NOB1: variants seen among roughly 807,000 people sequenced by gnomAD.
NOB1 encodes NIN1 (RPN12) binding protein 1 homolog.
A neutral mutation model predicts 44.8 loss-of-function variants in NOB1; 44 were observed. The observed-to-expected ratio is 0.98, with a 90% CI of 0.77 to 1.26. The LOEUF (loss-of-function observed/expected upper bound fraction) is 1.26, where lower values mean the gene tolerates loss of function less well. Ranked by LOEUF, NOB1 falls within the 50% of genes most tolerant of loss-of-function variation. The pLI is 0.00. For synonymous variants in NOB1, 238 were observed against 218.7 expected, an observed-to-expected ratio of 1.09 and a Z score of -0.78; for missense variants, 560 against 544.8, an observed-to-expected ratio of 1.03 and a Z score of -0.28.
intron 2 of NOB1, among the ~76,000 whole-genome samples, chr16:69,754,331 C>A (rs181594507): frequency 1.3e-5 from 2 of 152,196 alleles, no homozygotes; most frequent in Non-Finnish European, 2.9e-5. Context: ...TCACAGCAAC[C>A]TTGGAGACAG....
Position 69,744,857 on chromosome 16 carries a change from G to A in NOB1, c.969+16C>T, listed in dbSNP as rs1440284090. 2.5e-6 allele frequency: 4 copies of A among 1,610,564 alleles called. No homozygotes were observed. Among genetic ancestry groups the A allele is most frequent in the Non-Finnish European group, 3.4e-6 (4 of 1,179,316 alleles). ...CACTCTGGTGTTGGGAGGGGACTGG[G>A]AGAGGCGCCACTCACCCGGAGGCCG... On this transcript the variant is annotated intron_variant, in intron 8 of 8. Coordinates refer to ENST00000268802, the MANE Select transcript of NOB1 (RefSeq NM_014062.3).
intron 8 of NOB1, 61 bp from the exon 9 acceptor site, chr16:69,742,662 G>C: frequency 6.4e-7 from 1 of 1,564,056 alleles, no homozygotes. Context: ...ACAAGGCCAT[G>C]GCTGGTAAGG....
chr16:69,742,578 C>T lies in NOB1; in HGVS notation c.993G>A (p.Gly331=). 2 of 1,614,104 alleles carry T rather than the reference C, an allele frequency of 1.2e-6. No homozygotes were observed. Among genetic ancestry groups the T allele is most frequent in the Non-Finnish European group, 1.7e-6 (2 of 1,180,024 alleles). Residue 331 remains glycine (G), a synonymous_variant, in exon 9 of 9, where the codon GGG becomes GGA. Coordinates refer to ENST00000268802, the MANE Select transcript of NOB1 (RefSeq NM_014062.3). ...GATGGGGGTTGATGGCGTATTTGCCCCCTTTGGGAGTGGGAAGCGAGTACT... is the reference window on the plus strand; with the variant it reads ...GATGGGGGTTGATGGCGTATTTGCCTCCTTTGGGAGTGGGAAGCGAGTACT... ...GLRYSLPTPK[G]GKYAINPHLT...
Position 69,749,065 on chromosome 16 carries a change from C to T in NOB1, c.579G>A (p.Gly193=), listed in dbSNP as rs1335698715. ...PSEEEEEEEN[G]FEDRKDDSDD... ...CGCTGTCATCTTTTCTGTCTTCAAA[C>T]CCGTTTTCTTCCTCCTCCTCCTCCT... is the stretch of plus-strand genomic sequence containing the variant. The change falls in exon 6 of 9, where the codon GGG becomes GGA. Residue 193 remains glycine, a synonymous_variant. Transcript: ENST00000268802. The T allele has an allele frequency of 6.2e-7, 1 of 1,614,246 alleles. No individual in the cohort carries two copies. Among genetic ancestry groups the T allele is most frequent in the Non-Finnish European group, 8.5e-7 (1 of 1,180,044 alleles).
intron 8 of NOB1, among the ~76,000 whole-genome samples, chr16:69,743,270 G>C (rs939613455): frequency 1.3e-5 from 2 of 152,040 alleles, no homozygotes; most frequent in Non-Finnish European, 2.9e-5. Flanking sequence ...TATAATACCA[G>C]GTCATAAACA....
At position 69,742,712 on chromosome 16, in the gene NOB1, G is replaced by C; in HGVS notation, c.970-111C>G. 4 of 1,144,194 alleles carry C rather than the reference G, an allele frequency of 3.5e-6. No homozygotes were observed. The South Asian group carries it at 4.2e-5, about 12-fold the overall frequency. 70.9% of individuals were successfully genotyped at this position (1,144,194 alleles called of 1,614,324 possible). A position where few individuals can be genotyped will look rare whatever the true frequency, so the allele number is the denominator to read the frequency against. ...CAGATCCTGGTGCAGGCAGATGACA[G>C]CGGGTGGTAATTGACTGCCTACCAT... On this transcript the variant is annotated intron_variant, in intron 8 of 8. Coordinates refer to ENST00000268802, the MANE Select transcript of NOB1 (RefSeq NM_014062.3).
At position 69,750,993 on chromosome 16, in the gene NOB1, A is replaced by C. The variant is rs988737277; in HGVS notation, c.327+1248T>G. ...CTCTTCAACCTAGCCACAGTGGGTA[A>C]GACCCTAAAAACACAATAGGAAGTC... On this transcript the variant is annotated intron_variant, in intron 3 of 8. Transcript: ENST00000268802. Among the ~76,000 whole-genome samples the C allele has an allele frequency of 3.9e-5, 6 of 152,368 alleles. No homozygotes were observed. The East Asian group carries it at 1.2e-3, about 29-fold the overall frequency.
At chr16:69,750,875 A>G (rs1196761800) in intron 3 of NOB1, among the ~76,000 whole-genome samples, 1 of 152,188 alleles carries the variant, frequency 6.6e-6, no homozygotes. Flanking sequence ...TGTCAACACT[A>G]TTGAAAATGA....
intron 3 of NOB1, among the ~76,000 whole-genome samples, chr16:69,751,875 A>C (rs2038485268): frequency 6.6e-6 from 1 of 152,206 alleles, no homozygotes; most frequent in Admixed American, 6.5e-5. Flanking sequence ...CAGCCTGACC[A>C]ACATGGCGAA....
chr16:69,754,843 C>A lies in NOB1; in HGVS notation c.63+5G>T, dbSNP rs1177315508. ...CTCTCTCGTCCCGGAGGGAGCTCCC[C>A]GTACCTGCAGAGCCGCATGCCGCAG... On this transcript the variant is annotated splice_donor_5th_base_variant and intron_variant, in intron 1 of 8. Transcript: ENST00000268802. 12 of 1,603,060 alleles carry A rather than the reference C, an allele frequency of 7.5e-6. No individual in the cohort carries two copies. In the South Asian group the frequency reaches 8.9e-5, roughly 12 times the overall value.
rs2038511557 is a variant in NOB1 at position 69,754,745 on chromosome 16, A to C, written c.64-19T>G. 1 of 1,613,782 alleles carries C rather than the reference A, an allele frequency of 6.2e-7. No individual in the cohort carries two copies. Among genetic ancestry groups the C allele is most frequent in the African/African-American group, 1.3e-5 (1 of 74,934 alleles). On this transcript the variant is annotated intron_variant, in intron 1 of 8. Transcript: ENST00000268802. ...CGATGTCCTGCGGACAGAACGCCCC[A>C]GCTCAGACCCACCCGCACCAAGCAA...
At chr16:69,752,841 A>G (rs1283098323) in intron 2 of NOB1, among the ~76,000 whole-genome samples, 3 of 152,156 alleles carry the variant, frequency 2.0e-5, no homozygotes, top group Non-Finnish European at 4.4e-5. Flanking sequence ...AGGCGGAGGC[A>G]GGAGAATTGT....
intron 2 of NOB1, among the ~76,000 whole-genome samples, chr16:69,753,753 C>T (rs1177628576): frequency 1.3e-5 from 2 of 152,200 alleles, no homozygotes; most frequent in Non-Finnish European, 1.5e-5. Context: ...ACCTTGATTC[C>T]CAACAAGAGA....
chr16:69,742,212 C>A lies in NOB1; in HGVS notation c.*120G>T, dbSNP rs970210881. 3 of 1,329,040 alleles carry A rather than the reference C, an allele frequency of 2.3e-6. No individual in the cohort carries two copies. Among genetic ancestry groups the A allele is most frequent in the Non-Finnish European group, 3.1e-6 (3 of 962,138 alleles). The allele number at this position is 1,329,040 out of a possible 1,614,324, so 82.3% of individuals were successfully genotyped here. ...GGGGCATGGGCGGACAGAGCCGCAC[C>A]GTGAAGCCCGCCTGTTATTTCCATC... On this transcript the variant is annotated 3_prime_UTR_variant, in exon 9 of 9. Transcript: ENST00000268802.
chr16:69,742,633 G>A, intron 8 of NOB1, 32 bp from the exon 9 acceptor site: 1 of 1,608,692 alleles, frequency 6.2e-7, no homozygotes, highest in Non-Finnish European at 8.5e-7. Context: ...GCCATTAGAA[G>A]AAGGGGAGCC....
intron 8 of NOB1, among the ~76,000 whole-genome samples, chr16:69,743,650 C>CT (rs1361978222): frequency 2.1e-5 from 2 of 95,586 alleles, no homozygotes; most frequent in African/African-American, 6.9e-5. Context: ...GACTCATACT[C>CT]TTCAAAAGTG....
intron 8 of NOB1, 77 bp downstream of exon 8, chr16:69,744,796 T>C: frequency 6.6e-7 from 1 of 1,512,932 alleles, no homozygotes; most frequent in Non-Finnish European, 8.9e-7. Context: ...CAGAAACGAC[T>C]AGACTAGGTT....
At chr16:69,749,534 C>T (rs371137886) in intron 4 of NOB1, 25 bp downstream of exon 4, 53 of 1,599,490 alleles carry the variant, frequency 3.3e-5, no homozygotes, top group Middle Eastern at 1.7e-4. Context: ...AGAGCATGAA[C>T]GGCCTGGCTT....
intron 6 of NOB1, 91 bp downstream of exon 6, chr16:69,748,827 G>T: frequency 8.3e-7 from 1 of 1,198,774 alleles, no homozygotes; most frequent in Non-Finnish European, 1.1e-6. Context: ...AAGAAGCGCT[G>T]CACAGCACCA....
Sources: allele counts gnomAD v4.1 joint callset (sites outside exome capture counted in the v4.1 genomes callset), GRCh38; gene constraint gnomAD v4.1.1; transcripts MANE v1.5; gene names NCBI Gene and HGNC (gene_info 2026-07-23, HGNC 2026-07-21).